TULP3: variants seen among roughly 807,000 people sequenced by gnomAD.
TULP3 encodes TUB like protein 3.
TULP3 carries 38 observed loss-of-function variants against 50.7 expected under a neutral mutation model. That is an observed-to-expected ratio of 0.75 (90% CI 0.58 to 0.98). The LOEUF (loss-of-function observed/expected upper bound fraction) is 0.98, where lower values mean the gene tolerates loss of function less well. Among genes scored for constraint, TULP3 ranks in the 50% least tolerant of loss-of-function variants. The pLI is 0.00. For missense variants in TULP3, 550 were observed against 568.0 expected (o/e 0.97, Z 0.32); for synonymous variants, 183 against 196.6 (o/e 0.93, Z 0.58).
Position 2,940,561 on chromosome 12 carries a change from C to T in TULP3, c.*1117C>T. ...TCCAAACCTTGAGAATGCAGGAGCT[C>T]TGTGAGCTCCACCGTCAGCACCATT... On this transcript the variant is annotated 3_prime_UTR_variant, in exon 11 of 11. Transcript: ENST00000448120. 1 of 1,551,398 alleles carries T rather than the reference C, an allele frequency of 6.4e-7. No homozygotes were observed. The highest frequency in any genetic ancestry group is 8.7e-7 in the Non-Finnish European group (1 of 1,146,820).
intron 1 of TULP3, among the ~76,000 whole-genome samples, chr12:2,899,064 G>C (rs764344518): frequency 9.9e-5 from 15 of 152,068 alleles, no homozygotes; most frequent in Admixed American, 3.3e-4. Flanking sequence ...GAAATTCATA[G>C]GCTGGGCACA....
rs753982357 is a variant in TULP3, at chr12:2,934,499, A to G, written c.862A>G (p.Met288Val). 6.2e-7 allele frequency: 1 copy of G among 1,605,104 alleles called. No individual in the cohort carries two copies. The highest frequency in any genetic ancestry group is 8.5e-7 in the Non-Finnish European group (1 of 1,176,212). ...AGTTTATGACCGTGGCATCTGCCCC[A>G]TGAAGGGCCGGGGTTTGGTAGGAGC... ...FTVYDRGICP[M>V]KGRGLVGAAH... The change falls in exon 8 of 11, where the codon ATG (methionine) becomes GTG (valine). Residue 288 changes from methionine to valine, a missense_variant. Coordinates refer to ENST00000448120, the MANE Select transcript of TULP3 (RefSeq NM_003324.5).
chr12:2,933,949 C>CA (rs1234570065), intron 7 of TULP3, among the ~76,000 whole-genome samples: 2 of 151,540 alleles, frequency 1.3e-5, no homozygotes, highest in African/African-American at 2.4e-5. Flanking sequence ...GAGTCTGTCT[C>CA]AAAAAAATAA....
chr12:2,906,259 T>G (rs934529670), intron 1 of TULP3, among the ~76,000 whole-genome samples: 14 of 151,310 alleles, frequency 9.3e-5, no homozygotes, highest in African/African-American at 3.2e-4. Context: ...CTTGAACTCC[T>G]GACCTCGTGA....
chr12:2,923,537 G>T (rs750497660), intron 4 of TULP3, among the ~76,000 whole-genome samples: 46 of 151,848 alleles, frequency 3.0e-4, no homozygotes, highest in Admixed American at 9.9e-4. Context: ...ATTAATCCCA[G>T]CTACTCTGGA....
chr12:2,929,053 A>G (rs1419468925), intron 4 of TULP3, among the ~76,000 whole-genome samples: 2 of 116,446 alleles, frequency 1.7e-5, no homozygotes, highest in Non-Finnish European at 3.5e-5. Context: ...CAAAAAGTAC[A>G]CTTTTTTTTT....
intron 8 of TULP3, among the ~76,000 whole-genome samples, chr12:2,936,392 A>C (rs2098201281): frequency 6.6e-6 from 1 of 152,074 alleles, no homozygotes; most frequent in South Asian, 2.1e-4. Flanking sequence ...CTGGGAAATA[A>C]ATATGTGTTG....
At chr12:2,929,522 A>C (rs1225491533) in intron 4 of TULP3, among the ~76,000 whole-genome samples, 1 of 152,148 alleles carries the variant, frequency 6.6e-6, no homozygotes, top group Non-Finnish European at 1.5e-5. Flanking sequence ...TGGTGGCCTC[A>C]AGCAGTCCTT....
intron 2 of TULP3, among the ~76,000 whole-genome samples, chr12:2,916,184 A>G (rs982502845): frequency 6.6e-5 from 10 of 151,840 alleles, no homozygotes; most frequent in Middle Eastern, 3.2e-3. Flanking sequence ...TAATTTTTGC[A>G]TTTTTAGTAG....
chr12:2,908,959 C>G (rs1432162466), intron 1 of TULP3, among the ~76,000 whole-genome samples: 2 of 152,046 alleles, frequency 1.3e-5, no homozygotes, highest in Non-Finnish European at 2.9e-5. Context: ...TCAGTAGGCT[C>G]TAGTAAGATG....
intron 1 of TULP3, among the ~76,000 whole-genome samples, chr12:2,899,702 G>T (rs996866377): frequency 3.3e-5 from 5 of 151,898 alleles, no homozygotes; most frequent in African/African-American, 1.2e-4. Flanking sequence ...GACCATCCTG[G>T]CTAACACAGT....
intron 7 of TULP3, among the ~76,000 whole-genome samples, chr12:2,934,084 C>CA (rs2098199729): frequency 6.6e-6 from 1 of 152,014 alleles, no homozygotes; most frequent in African/African-American, 2.4e-5. Context: ...ATTATCTCTT[C>CA]AAAAAACTTT....
At chr12:2,902,427 C>T (rs1488670016) in intron 1 of TULP3, among the ~76,000 whole-genome samples, 3 of 152,182 alleles carry the variant, frequency 2.0e-5, no homozygotes, top group Non-Finnish European at 4.4e-5. Flanking sequence ...CTCTCCAGTA[C>T]CACAGAAGGA....
chr12:2,934,235 C>T (rs1017377406), intron 7 of TULP3, among the ~76,000 whole-genome samples: 3 of 152,084 alleles, frequency 2.0e-5, no homozygotes, highest in Admixed American at 6.6e-5. Context: ...GGCGACAGAG[C>T]GAGACCCTGT....
At chr12:2,920,120 GTCC>G (rs1291877278) in intron 2 of TULP3, among the ~76,000 whole-genome samples, 7 of 151,626 alleles carry the variant, frequency 4.6e-5, no homozygotes, top group African/African-American at 7.3e-5. Context: ...TCCTCCATCT[GTCC>G]TCCGTGCATG....
chr12:2,937,518 T>TA (rs1417243291), intron 8 of TULP3, 113 bp from the exon 9 acceptor site: 2 of 803,918 alleles, frequency 2.5e-6, no homozygotes, highest in Admixed American at 2.2e-5. Flanking sequence ...CCCCGGCTGA[T>TA]ACAGCTGATA....
intron 2 of TULP3, among the ~76,000 whole-genome samples, chr12:2,911,520 TTTA>T (rs1391564739): frequency 1.7e-4 from 7 of 42,190 alleles, no homozygotes; most frequent in African/African-American, 4.5e-4. Context: ...GCCAGGCTAA[TTTA>T]TTTTTTATTT....
At chr12:2,921,998 G>C (rs1050540762) in intron 3 of TULP3, among the ~76,000 whole-genome samples, 4 of 152,120 alleles carry the variant, frequency 2.6e-5, no homozygotes, top group Admixed American at 1.3e-4. Flanking sequence ...TGGGAGGATC[G>C]TTTGAGCCTA....
intron 1 of TULP3, among the ~76,000 whole-genome samples, chr12:2,906,777 G>A (rs905957102): frequency 8.7e-5 from 13 of 149,826 alleles, no homozygotes; most frequent in East Asian, 2.1e-4. Flanking sequence ...TTAGCCGGGC[G>A]TGGTGGCACA....
Sources: gnomAD v4.1 joint callset for allele counts (sites outside exome capture counted in the v4.1 genomes callset) on GRCh38, gnomAD v4.1.1 for gene constraint, MANE v1.5 for transcripts, NCBI Gene and HGNC (gene_info 2026-07-23, HGNC 2026-07-21) for gene names.